Variants in EYS observed in about 807,000 individuals in gnomAD.
The protein encoded by EYS is EGF-like photoreceptor maintenance factor, also known as protein eyes shut homolog.
A neutral mutation model predicts 282.1 loss-of-function variants in EYS; 250 were observed. The observed-to-expected ratio is 0.89, with a 90% CI of 0.80 to 0.98. EYS has a LOEUF of 0.98. Among genes scored for constraint, EYS ranks in the 50% least tolerant of loss-of-function variants. The pLI is 0.00. For missense variants in EYS, 4,016 were observed against 3,709.0 expected, an observed-to-expected ratio of 1.08 and a Z score of -2.15; for synonymous variants, 1,355 against 1,282.9, an observed-to-expected ratio of 1.06 and a Z score of -1.20.
intron 41 of EYS, among the ~76,000 whole-genome samples, chr6:63,748,364 T>C (rs1769261400): frequency 6.6e-6 from 1 of 152,256 alleles, no homozygotes; most frequent in Admixed American, 6.5e-5. Context: ...ACAAGCTTTT[T>C]GATGTGCTGC....
At chr6:64,332,173 C>A (rs1483822244) in intron 29 of EYS, among the ~76,000 whole-genome samples, 1 of 152,198 alleles carries the variant, frequency 6.6e-6, no homozygotes, top group Non-Finnish European at 1.5e-5. Flanking sequence ...AAGGTGAGAT[C>A]AGGTGCTGCC....
At chr6:64,011,928 A>G (rs762668127) in intron 33 of EYS, among the ~76,000 whole-genome samples, 32 of 152,112 alleles carry the variant, frequency 2.1e-4, no homozygotes, top group Non-Finnish European at 4.0e-4. Flanking sequence ...CAATTACCCA[A>G]CAATAACACT....
intron 12 of EYS, among the ~76,000 whole-genome samples, chr6:65,217,663 A>T (rs1042384011): frequency 1.3e-5 from 2 of 152,188 alleles, no homozygotes; most frequent in Admixed American, 1.3e-4. Flanking sequence ...GAATGCAATG[A>T]AAAGAGCCAT....
intron 13 of EYS, among the ~76,000 whole-genome samples, chr6:65,002,921 G>C (rs1023674606): frequency 1.2e-5 from 1 of 83,056 alleles, no homozygotes; most frequent in Non-Finnish European, 2.5e-5. Context: ...TCCTATGCCT[G>C]TCTTTACTTC....
chr6:65,500,800 C>A (rs753320483), intron 2 of EYS, among the ~76,000 whole-genome samples: 36 of 151,748 alleles, frequency 2.4e-4, no homozygotes, highest in Non-Finnish European at 4.4e-4. Context: ...AATAAACGGT[C>A]AGGAATGAAG....
In EYS at chr6:64,569,790, A is replaced by G. The variant is rs1380535337; in HGVS notation, c.5644+20433T>C. On this transcript the variant is annotated intron_variant, in intron 26 of 42. Coordinates refer to ENST00000503581, the MANE Select transcript of EYS (RefSeq NM_001142800.2). ...AGACAAAGCCTCCAAGAAATATGGA[A>G]CTATGTGGAAAGACCAAAACTTCGT... 3.3e-5 allele frequency among the ~76,000 whole-genome samples: 5 copies of G among 152,146 alleles called. No individual in the cohort carries two copies. In the South Asian group the frequency reaches 1.0e-3, roughly 31 times the overall value.
rs567525809 is a variant in EYS, at chr6:64,099,083, A to G, written c.6425-17081T>C. 5.3e-5 allele frequency among the ~76,000 whole-genome samples: 8 copies of G among 152,344 alleles called. No homozygotes were observed. In the South Asian group the frequency reaches 1.2e-3, roughly 24 times the overall value. ...TCTAATGCCTCAATCCTTCTAATTT[A>G]TCTTCTGTCCTCATCATTCCAGTGA... On this transcript the variant is annotated intron_variant, in intron 31 of 42. Transcript: ENST00000503581.
intron 19 of EYS, among the ~76,000 whole-genome samples, chr6:64,865,690 AT>A (rs1430102380): frequency 6.6e-6 from 1 of 152,008 alleles, no homozygotes; most frequent in Admixed American, 6.6e-5. Flanking sequence ...AATTATGTTC[AT>A]TTTTTTCTGC....
chr6:64,310,122 T>C (rs2150377819), intron 29 of EYS, among the ~76,000 whole-genome samples: 1 of 151,168 alleles, frequency 6.6e-6, no homozygotes, highest in East Asian at 1.9e-4. Flanking sequence ...GGAATGCTTA[T>C]ACACCATTGG....
chr6:64,022,904 G>A (rs1020304433), intron 33 of EYS, among the ~76,000 whole-genome samples: 1 of 152,280 alleles, frequency 6.6e-6, no homozygotes, highest in Admixed American at 6.5e-5. Flanking sequence ...CTGTGTGTAT[G>A]CCCTGAAATG....
At chr6:65,680,124 T>A (rs1033047185) in intron 1 of EYS, among the ~76,000 whole-genome samples, 1 of 132,084 alleles carries the variant, frequency 7.6e-6, no homozygotes, top group Non-Finnish European at 1.6e-5. Context: ...ACAAAGCAAA[T>A]GTTCTCAATC....
chr6:64,235,377 A>G (rs966999563), intron 30 of EYS, among the ~76,000 whole-genome samples: 1 of 151,922 alleles, frequency 6.6e-6, no homozygotes, highest in Non-Finnish European at 1.5e-5. Flanking sequence ...ACTGAGAATG[A>G]TGATTTCCAA....
intron 5 of EYS, among the ~76,000 whole-genome samples, chr6:65,453,653 C>T (rs571991844): frequency 2.6e-5 from 4 of 152,030 alleles, no homozygotes; most frequent in African/African-American, 7.2e-5. Flanking sequence ...ATCTATTGAC[C>T]AAGCTCTCCT....
At position 65,335,032 on chromosome 6, in the gene EYS, C is replaced by G. The variant is rs772949040; in HGVS notation, c.1714G>C (p.Glu572Gln). The change falls in exon 11 of 43, where the codon GAA becomes CAA. Residue 572 changes from glutamate to glutamine, a missense_variant. By Grantham distance (29) the Glu-to-Gln change is conservative. Coordinates refer to ENST00000503581, the MANE Select transcript of EYS (RefSeq NM_001142800.2). ...ACAGCTTCATGTTGACACTCATTTT[C>G]TTGATCATCAGTTGTATTTTCCAGA... Reference protein sequence around the residue: ...MYLENTTDDQENECQHEAVCK... With the variant: ...MYLENTTDDQQNECQHEAVCK... The G allele has an allele frequency of 1.2e-6, 2 of 1,611,456 alleles. No homozygotes were observed. The highest frequency in any genetic ancestry group is 1.7e-6 in the Non-Finnish European group (2 of 1,178,402).
intron 13 of EYS, among the ~76,000 whole-genome samples, chr6:65,007,019 C>A (rs1156929142): frequency 6.6e-6 from 1 of 152,192 alleles, no homozygotes; most frequent in Non-Finnish European, 1.5e-5. Context: ...AGCTCTAGGA[C>A]TCACCCTGAG....
At chr6:64,518,780 G>GCCCCC (rs34658444) in intron 26 of EYS, among the ~76,000 whole-genome samples, 12 of 147,604 alleles carry the variant, frequency 8.1e-5, no homozygotes, top group East Asian at 6.4e-4. Context: ...TTTATAAGGG[G>GCCCCC]CCCCCCCCTT....
At chr6:65,446,688 T>C (rs1768669850) in intron 5 of EYS, among the ~76,000 whole-genome samples, 1 of 151,876 alleles carries the variant, frequency 6.6e-6, no homozygotes, top group Admixed American at 6.6e-5. Flanking sequence ...TTGTTCTTGA[T>C]TGTACTTTGA....
chr6:64,587,521 A>G (rs1418745831), intron 26 of EYS, among the ~76,000 whole-genome samples: 1 of 152,066 alleles, frequency 6.6e-6, no homozygotes, highest in Non-Finnish European at 1.5e-5. Context: ...AGTTTTTATA[A>G]AGATTATTTC....
intron 11 of EYS, chr6:65,330,926 A>G (rs1414408840): frequency 2.0e-6 from 2 of 983,440 alleles, no homozygotes; most frequent in African/African-American, 1.7e-5. Flanking sequence ...TTACTAAAGA[A>G]CCCTGTATGT....
Sources: gnomAD v4.1 joint callset for allele counts (sites outside exome capture counted in the v4.1 genomes callset) on GRCh38, gnomAD v4.1.1 for gene constraint, MANE v1.5 for transcripts, NCBI Gene and HGNC (gene_info 2026-07-23, HGNC 2026-07-21) for gene names.